ZDHHC20: variants seen among roughly 807,000 people sequenced by gnomAD.
ZDHHC20 encodes zDHHC palmitoyltransferase 20.
ZDHHC20 carries 43 observed loss-of-function variants against 57.8 expected under a neutral mutation model. The ratio of observed to expected loss-of-function variants is 0.74; its 90% CI spans 0.58 to 0.96. The LOEUF (loss-of-function observed/expected upper bound fraction) is 0.96, where lower values mean the gene tolerates loss of function less well. Ranked by LOEUF, ZDHHC20 falls within the 40% of genes least tolerant of loss-of-function variation. The probability of loss-of-function intolerance (pLI) is 0.00; values close to 1 mark genes in which losing one functional copy is unlikely to be tolerated. For missense variants in ZDHHC20, 391 were observed against 441.1 expected, an observed-to-expected ratio of 0.89 and a Z score of 1.02; for synonymous variants, 157 against 153.0, an observed-to-expected ratio of 1.03 and a Z score of -0.19.
At chr13:21,397,625 C>T (rs895473851) in intron 7 of ZDHHC20, among the ~76,000 whole-genome samples, 1 of 152,108 alleles carries the variant, frequency 6.6e-6, no homozygotes, top group Non-Finnish European at 1.5e-5. Context: ...CGCACCACTG[C>T]ACTCCAGCCT....
At chr13:21,382,872 G>T in intron 10 of ZDHHC20, 48 bp downstream of exon 10, 3 of 1,420,684 alleles carry the variant, frequency 2.1e-6, no homozygotes, top group South Asian at 2.5e-5. Flanking sequence ...ACATGTATAC[G>T]GTTTGCTTTA....
At chr13:21,443,449 G>C (rs2138018256) in intron 1 of ZDHHC20, among the ~76,000 whole-genome samples, 1 of 152,278 alleles carries the variant, frequency 6.6e-6, no homozygotes, top group African/African-American at 2.4e-5. Flanking sequence ...AGTTCACCTA[G>C]CTATTCTTAG....
At chr13:21,386,741 G>T (rs1047955531) in intron 9 of ZDHHC20, among the ~76,000 whole-genome samples, 6 of 152,080 alleles carry the variant, frequency 3.9e-5, no homozygotes, top group Non-Finnish European at 7.4e-5. Context: ...TAGAGACCGG[G>T]TTTCACCATG....
chr13:21,441,989 T>A (rs1479042749), intron 1 of ZDHHC20, among the ~76,000 whole-genome samples: 1 of 152,208 alleles, frequency 6.6e-6, no homozygotes, highest in African/African-American at 2.4e-5. Context: ...TATTCCTGGT[T>A]TTATAGTGGA....
At chr13:21,436,117 C>A (rs1440093012) in intron 1 of ZDHHC20, among the ~76,000 whole-genome samples, 1 of 152,204 alleles carries the variant, frequency 6.6e-6, no homozygotes, top group African/African-American at 2.4e-5. Flanking sequence ...AACTGAGCAA[C>A]AAGTCCTTCC....
intron 4 of ZDHHC20, among the ~76,000 whole-genome samples, chr13:21,412,385 T>C (rs1879331501): frequency 6.6e-6 from 1 of 151,950 alleles, no homozygotes; most frequent in African/African-American, 2.4e-5. Flanking sequence ...AGGCTAAAAG[T>C]AACAGGTGAA....
chr13:21,455,976 T>C (rs1290312973), intron 1 of ZDHHC20, among the ~76,000 whole-genome samples: 1 of 152,224 alleles, frequency 6.6e-6, no homozygotes, highest in Non-Finnish European at 1.5e-5. Context: ...ACCATGCTAC[T>C]TACTGGCTCT....
In ZDHHC20 at chr13:21,378,658, T is replaced by A; in HGVS notation, c.*40+3A>T. The A allele has an allele frequency of 7.1e-7, 1 of 1,403,402 alleles. No individual in the cohort carries two copies. The highest frequency in any genetic ancestry group is 1.7e-5 in the South Asian group (1 of 57,564). 86.9% of individuals were successfully genotyped at this position (1,403,402 alleles called of 1,614,324 possible). On this transcript the variant is annotated splice_donor_region_variant and intron_variant, in intron 12 of 12. Coordinates refer to ENST00000400590, the MANE Select transcript of ZDHHC20 (RefSeq NM_001330059.2). ...TTCAAGGATTACCTTTATACTGTCT[T>A]ACCTTGCTCTTATTCAAATGGTTAG...
chr13:21,396,322 A>G (rs1391438221), intron 7 of ZDHHC20, among the ~76,000 whole-genome samples: 1 of 152,236 alleles, frequency 6.6e-6, no homozygotes, highest in Non-Finnish European at 1.5e-5. Flanking sequence ...AGTAGATGTA[A>G]AAGTACTTTT....
At chr13:21,458,617 C>T (rs1203146230) in intron 1 of ZDHHC20, among the ~76,000 whole-genome samples, 1 of 152,184 alleles carries the variant, frequency 6.6e-6, no homozygotes. Flanking sequence ...CGTTTCTTCT[C>T]GCGCAGTTTG....
intron 1 of ZDHHC20, among the ~76,000 whole-genome samples, chr13:21,452,859 CA>C (rs1416314387): frequency 6.6e-6 from 1 of 151,176 alleles, no homozygotes; most frequent in Non-Finnish European, 1.5e-5. Context: ...TTTTAAAAAT[CA>C]AAATTAAAAA....
intron 1 of ZDHHC20, among the ~76,000 whole-genome samples, chr13:21,457,845 G>A (rs1046936413): frequency 6.6e-6 from 1 of 152,160 alleles, no homozygotes; most frequent in African/African-American, 2.4e-5. Flanking sequence ...CATAACATTA[G>A]TTTCTAGCTG....
At chr13:21,410,642 C>A (rs541204941) in intron 4 of ZDHHC20, among the ~76,000 whole-genome samples, 10 of 152,322 alleles carry the variant, frequency 6.6e-5, no homozygotes, top group African/African-American at 2.4e-4. Context: ...AACTTCCTGG[C>A]GGCTTTGTTT....
At chr13:21,405,033 T>C (rs1270029936) in intron 4 of ZDHHC20, among the ~76,000 whole-genome samples, 2 of 152,194 alleles carry the variant, frequency 1.3e-5, no homozygotes, top group Admixed American at 6.5e-5. Flanking sequence ...CTGTTATATA[T>C]AAAACATTTC....
chr13:21,424,528 T>C (rs1881029237), intron 2 of ZDHHC20, among the ~76,000 whole-genome samples: 1 of 152,004 alleles, frequency 6.6e-6, no homozygotes, highest in African/African-American at 2.4e-5. Context: ...ACTAACACAG[T>C]AAAACCCCGT....
chr13:21,417,359 T>G (rs1175556249), intron 3 of ZDHHC20, among the ~76,000 whole-genome samples: 1 of 152,148 alleles, frequency 6.6e-6, no homozygotes, highest in African/African-American at 2.4e-5. Context: ...AGTACTGGAT[T>G]GAAACAATGA....
intron 4 of ZDHHC20, among the ~76,000 whole-genome samples, chr13:21,403,928 G>C (rs972611335): frequency 6.6e-6 from 1 of 152,020 alleles, no homozygotes; most frequent in Non-Finnish European, 1.5e-5. Context: ...CCTCAGGTGA[G>C]TCACCCACCT....
At chr13:21,391,226 C>T (rs954734250) in intron 8 of ZDHHC20, among the ~76,000 whole-genome samples, 1 of 152,124 alleles carries the variant, frequency 6.6e-6, no homozygotes, top group African/African-American at 2.4e-5. Context: ...CTTGGCCTCC[C>T]AAAGTGCTGG....
At chr13:21,426,491 T>C (rs183708654) in intron 1 of ZDHHC20, among the ~76,000 whole-genome samples, 141 of 152,282 alleles carry the variant, frequency 9.3e-4, no homozygotes, top group African/African-American at 3.2e-3. Flanking sequence ...TACTCTTCAA[T>C]ACCTGTGAGT....
Sources: gnomAD v4.1 joint callset for allele counts (sites outside exome capture counted in the v4.1 genomes callset) on GRCh38, gnomAD v4.1.1 for gene constraint, MANE v1.5 for transcripts, NCBI Gene and HGNC (gene_info 2026-07-23, HGNC 2026-07-21) for gene names.